RUFY1: variants seen among roughly 807,000 people sequenced by gnomAD.
RUFY1 encodes the protein RUN and FYVE domain-containing protein 1.
Under a neutral mutation model 94.6 loss-of-function variants are expected in RUFY1, and 54 were observed. That is an observed-to-expected ratio of 0.57 (90% CI 0.46 to 0.72). RUFY1 has a LOEUF of 0.72. RUFY1 is among the 30% of genes least tolerant of loss of function. RUFY1 has a pLI of 0.00. For synonymous variants in RUFY1, 396 were observed against 347.3 expected (o/e 1.14, Z -1.56); for missense variants, 883 against 883.9 (o/e 1.00, Z 0.01).
chr5:179,561,354 T>C (rs909869061), intron 2 of RUFY1, among the ~76,000 whole-genome samples: 1 of 151,844 alleles, frequency 6.6e-6, no homozygotes, highest in Non-Finnish European at 1.5e-5. Context: ...GGACATGAGG[T>C]CAGGGGAGTA....
chr5:179,554,184 A>G (rs910797359), intron 1 of RUFY1, among the ~76,000 whole-genome samples: 2 of 152,124 alleles, frequency 1.3e-5, no homozygotes, highest in Non-Finnish European at 2.9e-5. Context: ...GCTGGATGAT[A>G]TTTTTTCAAT....
chr5:179,569,115 G>A, intron 4 of RUFY1, 187 bp from the exon 5 acceptor site: 1 of 959,942 alleles, frequency 1.0e-6, no homozygotes, highest in Non-Finnish European at 1.2e-6. Context: ...TAAGCCACAG[G>A]AAGAGAGGAG....
intron 15 of RUFY1, among the ~76,000 whole-genome samples, chr5:179,603,207 G>A (rs1272051557): frequency 1.3e-5 from 2 of 151,798 alleles, no homozygotes; most frequent in African/African-American, 2.4e-5. Flanking sequence ...AGAGGTTGCA[G>A]TAAGCCGAGA....
chr5:179,559,303 G>T (rs1350209163), intron 1 of RUFY1, among the ~76,000 whole-genome samples: 5 of 152,184 alleles, frequency 3.3e-5, no homozygotes, highest in Admixed American at 3.3e-4. Flanking sequence ...CAAGATAATG[G>T]GAGTTGAAAT....
At chr5:179,563,227 T>G (rs1468154627) in intron 3 of RUFY1, among the ~76,000 whole-genome samples, 1 of 152,196 alleles carries the variant, frequency 6.6e-6, no homozygotes, top group African/African-American at 2.4e-5. Flanking sequence ...CAGACGGGAC[T>G]GGACTGTTGA....
intron 4 of RUFY1, 25 bp from the exon 5 acceptor site, chr5:179,569,277 G>T (rs780802788): frequency 6.2e-7 from 1 of 1,613,494 alleles, no homozygotes; most frequent in Non-Finnish European, 8.5e-7. Flanking sequence ...TCTGAGCATC[G>T]CCCTGTCCTG....
chr5:179,600,357 C>T (rs1339098108), intron 14 of RUFY1, among the ~76,000 whole-genome samples: 1 of 152,136 alleles, frequency 6.6e-6, no homozygotes, highest in African/African-American at 2.4e-5. Flanking sequence ...GTGCACTGGC[C>T]CCAGGTGTCA....
chr5:179,574,619 T>TTTTA (rs1763483322), intron 5 of RUFY1, among the ~76,000 whole-genome samples: 1 of 152,162 alleles, frequency 6.6e-6, no homozygotes, highest in South Asian at 2.1e-4. Context: ...TTAAGACAAT[T>TTTTA]TTTAAAGTCA....
Position 179,550,632 on chromosome 5 carries a change from G to C in RUFY1, c.63G>C (p.Glu21Asp). 2 of 1,393,698 alleles carry C rather than the reference G, an allele frequency of 1.4e-6. No homozygotes were observed. Among genetic ancestry groups the C allele is most frequent in the Non-Finnish European group, 1.8e-6 (2 of 1,082,848 alleles). The allele number at this position is 1,393,698 out of a possible 1,614,324, so 86.3% of individuals were successfully genotyped here. Reference protein sequence around the residue: ...GRGRELEPELEPGPGPGSALE... With the variant: ...GRGRELEPELDPGPGPGSALE... ...GGCGGGAGCTGGAGCCGGAGCTGGAGCCGGGGCCGGGGCCCGGGTCAGCGC... is the reference window on the plus strand; with the variant it reads ...GGCGGGAGCTGGAGCCGGAGCTGGACCCGGGGCCGGGGCCCGGGTCAGCGC... The change falls in exon 1 of 18, where the codon GAG becomes GAC. Residue 21 changes from glutamate to aspartate, a missense_variant. Physicochemically the swap from Glu to Asp is conservative, Grantham distance 45. Coordinates refer to ENST00000319449, the MANE Select transcript of RUFY1 (RefSeq NM_025158.5).
At chr5:179,602,042 A>C in intron 15 of RUFY1, 56 bp downstream of exon 15, 1 of 1,403,838 alleles carries the variant, frequency 7.1e-7, no homozygotes, top group Non-Finnish European at 1.0e-6. Context: ...TACCCACCAC[A>C]TCCCTCAGGC....
chr5:179,606,052 A>G (rs1395914344), intron 16 of RUFY1, 128 bp downstream of exon 16: 6 of 683,426 alleles, frequency 8.8e-6, no homozygotes, highest in Non-Finnish European at 1.5e-5. Flanking sequence ...ACGTATTGAC[A>G]GAGAAGCCAA....
intron 6 of RUFY1, among the ~76,000 whole-genome samples, chr5:179,579,657 C>CTTTTTCT (rs1554118792): frequency 0.032 from 1,635 of 50,864 alleles, 210 homozygotes; most frequent in Middle Eastern, 0.095. Flanking sequence ...TTTTCTTCTT[C>CTTTTTCT]TTTTTTTTTT....
chr5:179,596,267 A>G, intron 12 of RUFY1: 1 of 443,160 alleles, frequency 2.3e-6, no homozygotes, highest in South Asian at 2.2e-5. Context: ...ATTCTGAGAA[A>G]AAGTCAGTCT....
Position 179,591,692 on chromosome 5 carries a change from T to C in RUFY1, c.1196T>C (p.Met399Thr), listed in dbSNP as rs1765118518. 1.9e-6 allele frequency: 3 copies of C among 1,612,878 alleles called. No individual in the cohort carries two copies. The highest frequency in any genetic ancestry group is 2.5e-6 in the Non-Finnish European group (3 of 1,179,690). The change falls in exon 10 of 18, where the codon ATG becomes ACG. Residue 399 changes from methionine (M) to threonine (T), a missense_variant. By Grantham distance (81) the Met-to-Thr change is moderately conservative. Transcript: ENST00000319449. ...YKQTRQGLDE[M>T]YSDVWKQLKE... ...CAAACTCGGCAAGGTCTGGATGAAA[T>C]GTACAGTGATGTGTGGAAGCAGCTA...
At chr5:179,569,073 A>C in intron 4 of RUFY1, 1 of 985,256 alleles carries the variant, frequency 1.0e-6, no homozygotes, top group Non-Finnish European at 1.2e-6. Flanking sequence ...TGGAGGAGTT[A>C]ACTTTAGACA....
chr5:179,581,690 T>TC (rs917379065), intron 7 of RUFY1, among the ~76,000 whole-genome samples: 7 of 151,242 alleles, frequency 4.6e-5, no homozygotes, highest in African/African-American at 1.5e-4. Context: ...ACTTTTCTTT[T>TC]TTTTTTTTTT....
At chr5:179,609,347 C>T in intron 17 of RUFY1, 29 bp from the exon 18 acceptor site, 3 of 1,608,358 alleles carry the variant, frequency 1.9e-6, no homozygotes, top group Admixed American at 1.7e-5. Flanking sequence ...CCCCGGGTGT[C>T]CTGTGACCGC....
rs1175162287 is a variant in RUFY1, at chr5:179,609,954, C to G, written c.*435C>G. 2 of 156,298 alleles carry G rather than the reference C, an allele frequency of 1.3e-5. No individual in the cohort carries two copies. Among genetic ancestry groups the G allele is most frequent in the African/African-American group, 2.4e-5 (1 of 41,572 alleles). The allele number at this position is 156,298 out of a possible 1,614,324, so 9.7% of individuals were successfully genotyped here. On this transcript the variant is annotated 3_prime_UTR_variant, in exon 18 of 18. Coordinates refer to ENST00000319449, the MANE Select transcript of RUFY1 (RefSeq NM_025158.5). ...TCTCTGCTTCAGACAAGAGATCTGC[C>G]ATTTCATGCCCTTGTGACTACCTAT...
chr5:179,605,293 A>G (rs1284754464), intron 15 of RUFY1, among the ~76,000 whole-genome samples: 1 of 151,900 alleles, frequency 6.6e-6, no homozygotes, highest in Non-Finnish European at 1.5e-5. Context: ...AAAAAAAAAA[A>G]AGGATCAGAC....
Sources: gnomAD v4.1 joint callset for allele counts (sites outside exome capture counted in the v4.1 genomes callset) on GRCh38, gnomAD v4.1.1 for gene constraint, MANE v1.5 for transcripts, NCBI Gene and HGNC (gene_info 2026-07-23, HGNC 2026-07-21) for gene names.